Variants in KCNJ12 observed in about 807,000 individuals in gnomAD.
KCNJ12 encodes potassium inwardly rectifying channel subfamily J member 12, also known as ATP-sensitive inward rectifier potassium channel 12.
Under a neutral mutation model 22.3 loss-of-function variants are expected in KCNJ12, and 2 were observed. That is an observed-to-expected ratio of 0.09 (90% confidence interval 0.04 to 0.28). The LOEUF (loss-of-function observed/expected upper bound fraction) is 0.28, where lower values mean the gene tolerates loss of function less well. Ranked by LOEUF, KCNJ12 falls within the 10% of genes least tolerant of loss-of-function variation. KCNJ12 has a pLI of 1.00. For synonymous variants in KCNJ12, 117 were observed against 261.4 expected, an observed-to-expected ratio of 0.45 and a Z score of 5.33; for missense variants, 155 against 633.3, an observed-to-expected ratio of 0.24 and a Z score of 8.11.
intron 1 of KCNJ12, among the ~76,000 whole-genome samples, chr17:21,400,939 C>T (rs1298812211): frequency 6.6e-6 from 1 of 152,426 alleles, no homozygotes; most frequent in African/African-American, 2.4e-5. Flanking sequence ...GAGAGCTGTG[C>T]AGCTCCAGCG....
At chr17:21,378,513 C>T (rs1323697906) in intron 1 of KCNJ12, among the ~76,000 whole-genome samples, 4 of 152,112 alleles carry the variant, frequency 2.6e-5, no homozygotes, top group African/African-American at 9.7e-5. Context: ...GGGGCCAAGC[C>T]GCCTGAGAGA....
At chr17:21,384,305 C>CA (rs1904998341) in intron 1 of KCNJ12, among the ~76,000 whole-genome samples, 1 of 152,158 alleles carries the variant, frequency 6.6e-6, no homozygotes, top group Non-Finnish European at 1.5e-5. Flanking sequence ...CATCTGAATG[C>CA]ACAGAGCCAC....
At chr17:21,391,121 G>A (rs1311886543) in intron 1 of KCNJ12, among the ~76,000 whole-genome samples, 3 of 152,222 alleles carry the variant, frequency 2.0e-5, no homozygotes, top group Admixed American at 6.5e-5. Flanking sequence ...CGGCCCTGGT[G>A]TGCTGTGCAT....
chr17:21,381,856 G>A (rs1490004760), intron 1 of KCNJ12, among the ~76,000 whole-genome samples: 5 of 152,326 alleles, frequency 3.3e-5, no homozygotes, highest in East Asian at 1.9e-4. Flanking sequence ...GTGCCTAAGC[G>A]GTAGGCAGGA....
At chr17:21,385,816 A>G (rs1010696482) in intron 1 of KCNJ12, among the ~76,000 whole-genome samples, 17 of 152,184 alleles carry the variant, frequency 1.1e-4, no homozygotes, top group Non-Finnish European at 1.6e-4. Context: ...CTGGGTGGGG[A>G]TGCCCCAGAT....
intron 1 of KCNJ12, among the ~76,000 whole-genome samples, chr17:21,380,170 G>A (rs1036450772): frequency 2.6e-5 from 4 of 152,148 alleles, no homozygotes; most frequent in East Asian, 3.9e-4. Flanking sequence ...CCCAGCTCCC[G>A]GGAGCTGTAT....
intron 1 of KCNJ12, among the ~76,000 whole-genome samples, chr17:21,394,815 T>A (rs1472373264): frequency 1.3e-5 from 2 of 152,154 alleles, no homozygotes; most frequent in Non-Finnish European, 2.9e-5. Context: ...GAGTTCAGTG[T>A]TGCCAGGGGT....
intron 1 of KCNJ12, among the ~76,000 whole-genome samples, chr17:21,407,899 CA>C (rs1906067589): frequency 1.3e-5 from 2 of 152,304 alleles, no homozygotes; most frequent in African/African-American, 4.8e-5. Flanking sequence ...TCCATCCACC[CA>C]CCCATGTATT....
intron 2 of KCNJ12, among the ~76,000 whole-genome samples, chr17:21,411,436 C>G (rs1171457741): frequency 6.6e-6 from 1 of 152,230 alleles, no homozygotes; most frequent in African/African-American, 2.4e-5. Flanking sequence ...CCTGGGTTTG[C>G]TTCACTGCCC....
intron 1 of KCNJ12, among the ~76,000 whole-genome samples, chr17:21,383,421 G>A (rs1310330029): frequency 6.6e-6 from 1 of 152,242 alleles, no homozygotes; most frequent in Non-Finnish European, 1.5e-5. Context: ...AGGGTCCAGG[G>A]GAGCTTGGCG....
intron 1 of KCNJ12, among the ~76,000 whole-genome samples, chr17:21,408,048 G>C (rs1906085599): frequency 1.0e-5 from 1 of 96,058 alleles, no homozygotes; most frequent in Non-Finnish European, 2.4e-5. Flanking sequence ...CACCCACCCA[G>C]CTATTCACAA....
At chr17:21,400,540 T>G (rs1905546178) in intron 1 of KCNJ12, among the ~76,000 whole-genome samples, 4 of 152,308 alleles carry the variant, frequency 2.6e-5, no homozygotes, top group Non-Finnish European at 5.9e-5. Flanking sequence ...TCAAACGGGT[T>G]TGGTGCTCAG....
At chr17:21,406,150 C>G (rs1905917740) in intron 1 of KCNJ12, among the ~76,000 whole-genome samples, 1 of 152,304 alleles carries the variant, frequency 6.6e-6, no homozygotes, top group African/African-American at 2.4e-5. Flanking sequence ...AGTTCCAGCT[C>G]CAGGTGACTG....
chr17:21,392,041 GA>G (rs1555559381), intron 1 of KCNJ12, among the ~76,000 whole-genome samples: 15 of 152,208 alleles, frequency 9.9e-5, no homozygotes, highest in Non-Finnish European at 4.4e-5. Flanking sequence ...AGAACCGGCT[GA>G]CTTATGCTGA....
intron 1 of KCNJ12, among the ~76,000 whole-genome samples, chr17:21,387,505 G>C (rs1441259028): frequency 1.3e-5 from 2 of 148,254 alleles, no homozygotes; most frequent in East Asian, 4.0e-4. Flanking sequence ...TGGAGACATC[G>C]AGCGCTGGGG....
intron 2 of KCNJ12, among the ~76,000 whole-genome samples, chr17:21,410,794 C>A (rs1345225866): frequency 6.6e-6 from 1 of 152,298 alleles, no homozygotes; most frequent in Non-Finnish European, 1.5e-5. Flanking sequence ...GCTGTGTAAC[C>A]ATCACAGTGA....
At chr17:21,385,966 G>A (rs75167930) in intron 1 of KCNJ12, among the ~76,000 whole-genome samples, 50 of 152,340 alleles carry the variant, frequency 3.3e-4, no homozygotes, top group African/African-American at 1.1e-3. Flanking sequence ...CATTGCATCT[G>A]GGGTGTGGAA....
At chr17:21,412,099 A>G (rs1377143130) in intron 2 of KCNJ12, among the ~76,000 whole-genome samples, 213 of 151,994 alleles carry the variant, frequency 1.4e-3, no homozygotes, top group African/African-American at 4.9e-3. Flanking sequence ...CTGGGCTCCA[A>G]CTCTCTCTTC....
chr17:21,397,444 T>C (rs1445478641), intron 1 of KCNJ12, among the ~76,000 whole-genome samples: 2 of 152,174 alleles, frequency 1.3e-5, no homozygotes, highest in Non-Finnish European at 2.9e-5. Context: ...CCGTGCACTC[T>C]TGTCTGATGA....
Sources: gnomAD v4.1 joint callset for allele counts (sites outside exome capture counted in the v4.1 genomes callset) on GRCh38, gnomAD v4.1.1 for gene constraint, MANE v1.5 for transcripts, NCBI Gene and HGNC (gene_info 2026-07-23, HGNC 2026-07-21) for gene names.